HPS4: variants seen among roughly 807,000 people sequenced by gnomAD.
The protein encoded by HPS4 is HPS4 biogenesis of lysosomal organelles complex 3 subunit 2, also known as BLOC-3 complex member HPS4.
In HPS4, 44 loss-of-function variants were observed where a neutral mutation model predicts 70.3. That is an observed-to-expected ratio of 0.63 (90% confidence interval 0.49 to 0.80). The LOEUF is 0.80. Among genes scored for constraint, HPS4 ranks in the 30% least tolerant of loss-of-function variants. The pLI is 0.00. For missense variants in HPS4, 873 were observed against 884.4 expected (o/e 0.99, Z 0.16); for synonymous variants, 377 against 355.9 (o/e 1.06, Z -0.67).
intron 3 of HPS4, 116 bp downstream of exon 3, chr22:26,479,149 G>C (rs2090989009): frequency 2.0e-6 from 2 of 985,452 alleles, no homozygotes; most frequent in Non-Finnish European, 3.2e-6. Context: ...TAAGACAGTA[G>C]AAATGTCATT....
chr22:26,469,825 A>C (rs577248254), intron 7 of HPS4, among the ~76,000 whole-genome samples: 159 of 152,340 alleles, frequency 1.0e-3, no homozygotes, highest in African/African-American at 3.6e-3. Flanking sequence ...CAGAACCATC[A>C]TGATAAGAAC....
chr22:26,452,002 GCGCACACACACACACACACA>G lies in HPS4; in HGVS notation c.*1211_*1230del, dbSNP rs2085296579. ...GCCCACGTTACGCGCGCGCGCGCGCGCGCACACACACACACACACACACACACACACACACACACACTGTC... is the reference window on the plus strand; with the variant it reads ...GCCCACGTTACGCGCGCGCGCGCGCGCACACACACACACACACACACTGTC... On this transcript the variant is annotated 3_prime_UTR_variant, in exon 14 of 14. Coordinates refer to ENST00000398145, the MANE Select transcript of HPS4 (RefSeq NM_022081.6). 1 of 86,676 alleles carries G rather than the reference GCGCACACACACACACACACA, an allele frequency of 1.2e-5. No homozygotes were observed. The highest frequency in any genetic ancestry group is 7.0e-5 in the African/African-American group (1 of 14,260). The allele number at this position is 86,676 out of a possible 1,614,324, so 5.4% of individuals were successfully genotyped here. A position where few individuals can be genotyped will look rare whatever the true frequency, so the allele number is the denominator to read the frequency against.
rs573184413 is a variant in HPS4, at chr22:26,457,721, C to G, written c.1955+138G>C. On this transcript the variant is annotated intron_variant, in intron 13 of 13. Transcript: ENST00000398145. ...AGTGGATGATGGCGGCAATAGGAAC[C>G]GACAAAGGAAGGCCTTAAGGAGAGT... The G allele has an allele frequency of 4.0e-4, 288 of 713,172 alleles. 1 individual carries two copies. In the East Asian group the frequency reaches 7.2e-3, roughly 18 times the overall value. 44.2% of individuals were successfully genotyped at this position (713,172 alleles called of 1,614,324 possible).
chr22:26,468,793 A>G (rs2089230112), intron 7 of HPS4, among the ~76,000 whole-genome samples, 170 bp from the exon 8 acceptor site: 1 of 152,236 alleles, frequency 6.6e-6, no homozygotes, highest in Non-Finnish European at 1.5e-5. Flanking sequence ...TCCTACCAAC[A>G]TTTAAAATAT....
At position 26,452,347 on chromosome 22, in the gene HPS4, C is replaced by T. The variant is rs1170890360; in HGVS notation, c.*886G>A. Reference sequence around the variant, plus strand: ...CGTAATAGAACTGAGGTTCTAAGTACCACACAAGCCCAGGAACACACAGCT... The same window carrying T: ...CGTAATAGAACTGAGGTTCTAAGTATCACACAAGCCCAGGAACACACAGCT... On this transcript the variant is annotated 3_prime_UTR_variant, in exon 14 of 14. Transcript: ENST00000398145. 2.2e-6 allele frequency: 1 copy of T among 456,540 alleles called. No homozygotes were observed. Among genetic ancestry groups the T allele is most frequent in the Admixed American group, 2.4e-5 (1 of 42,518 alleles). 28.3% of individuals were successfully genotyped at this position (456,540 alleles called of 1,614,324 possible).
intron 3 of HPS4, among the ~76,000 whole-genome samples, chr22:26,477,602 T>G (rs1012296642): frequency 3.9e-5 from 6 of 152,020 alleles, no homozygotes; most frequent in African/African-American, 1.5e-4. Flanking sequence ...GTACAGAATC[T>G]CCTAATCAAC....
In HPS4 at chr22:26,451,528, C is replaced by T. The variant is rs2085186799; in HGVS notation, c.*1705G>A. ...TCTGAGTTAATCCAGGTGCATGAGACTTTTCCATATACACGGATAGGCTTT... is the reference window on the plus strand; with the variant it reads ...TCTGAGTTAATCCAGGTGCATGAGATTTTTCCATATACACGGATAGGCTTT... On this transcript the variant is annotated 3_prime_UTR_variant, in exon 14 of 14. Transcript: ENST00000398145. 1 of 152,200 alleles carries T rather than the reference C, an allele frequency of 6.6e-6. No homozygotes were observed. The highest frequency in any genetic ancestry group is 2.1e-4 in the South Asian group (1 of 4,834). 9.4% of individuals were successfully genotyped at this position (152,200 alleles called of 1,614,324 possible). A position where few individuals can be genotyped will look rare whatever the true frequency, so the allele number is the denominator to read the frequency against.
intron 11 of HPS4, 150 bp downstream of exon 11, chr22:26,463,767 C>T (rs2087819173): frequency 1.2e-6 from 1 of 806,028 alleles, no homozygotes; most frequent in East Asian, 2.7e-5. Flanking sequence ...GTAATACCTC[C>T]ATCGTCTAAA....
At chr22:26,463,440 G>A (rs1377656260) in intron 11 of HPS4, among the ~76,000 whole-genome samples, 1 of 152,228 alleles carries the variant, frequency 6.6e-6, no homozygotes, top group Admixed American at 6.5e-5. Context: ...ATGAGCAGGG[G>A]CGGCACAACA....
intron 3 of HPS4, among the ~76,000 whole-genome samples, chr22:26,477,667 G>GTA (rs2090739663): frequency 6.6e-6 from 1 of 152,074 alleles, no homozygotes; most frequent in South Asian, 2.1e-4. Context: ...CACAGGAAAT[G>GTA]TATACACCAC....
chr22:26,447,227 AAGAG>A (rs1568989536), downstream of HPS4, among the ~76,000 whole-genome samples: 1 of 152,104 alleles, frequency 6.6e-6, no homozygotes, highest in Non-Finnish European at 1.5e-5. Flanking sequence ...ACGACTGTGA[AAGAG>A]AGGCCACTTT....
At chr22:26,483,829 G>A (rs886057325), upstream of HPS4, 69 of 1,277,848 alleles carry the variant, frequency 5.4e-5, no homozygotes, top group Non-Finnish European at 6.7e-5. Flanking sequence ...TCCAGCTCCT[G>A]GCAAGCCGGC....
rs778405888 is a variant in HPS4 at position 26,477,152 on chromosome 22, A to T, written c.133-16T>A. 1 of 1,614,146 alleles carries T rather than the reference A, an allele frequency of 6.2e-7. No homozygotes were observed. The highest frequency in any genetic ancestry group is 1.7e-5 in the Admixed American group (1 of 60,030). ...CTAGCAGGGTCTGTGGGAAAGGAGC[A>T]CATTCCAGATAGGAAGCTGAAATTC... On this transcript the variant is annotated splice_polypyrimidine_tract_variant and intron_variant, in intron 3 of 13. Transcript: ENST00000398145.
chr22:26,453,187 C>A lies in HPS4; in HGVS notation c.*46G>T. 6.3e-7 allele frequency: 1 copy of A among 1,591,030 alleles called. No individual in the cohort carries two copies. Among genetic ancestry groups the A allele is most frequent in the Non-Finnish European group, 8.6e-7 (1 of 1,160,170 alleles). Reference sequence around the variant, plus strand: ...GCCTTTTCAATTATAAAAGGCAGAGCTTCCTTTGCTGGTTTTCTCCTTCCC... The same window carrying A: ...GCCTTTTCAATTATAAAAGGCAGAGATTCCTTTGCTGGTTTTCTCCTTCCC... On this transcript the variant is annotated 3_prime_UTR_variant, in exon 14 of 14. Transcript: ENST00000398145.
intron 13 of HPS4, among the ~76,000 whole-genome samples, chr22:26,457,229 T>C (rs1404560199): frequency 6.7e-6 from 1 of 149,486 alleles, no homozygotes; most frequent in Middle Eastern, 3.2e-3. Context: ...TTTTTTTTTT[T>C]TTTCTGAGAC....
At chr22:26,463,154 G>C (rs1484044641) in intron 11 of HPS4, among the ~76,000 whole-genome samples, 1 of 152,162 alleles carries the variant, frequency 6.6e-6, no homozygotes, top group Non-Finnish European at 1.5e-5. Context: ...TGTTACTATA[G>C]CAACGAATCT....
chr22:26,457,842 G>A lies in HPS4; in HGVS notation c.1955+17C>T, dbSNP rs373770186. 14 of 1,590,668 alleles carry A rather than the reference G, an allele frequency of 8.8e-6. No individual in the cohort carries two copies. The highest frequency in any genetic ancestry group is 5.0e-5 in the Admixed American group (3 of 59,930). On this transcript the variant is annotated intron_variant, in intron 13 of 13. Transcript: ENST00000398145. Reference sequence around the variant, plus strand: ...GACCGTGGAGAGTAGGTTGGGGAGCGACTCAGGGAGGCTCACCTGACAGTC... The same window carrying A: ...GACCGTGGAGAGTAGGTTGGGGAGCAACTCAGGGAGGCTCACCTGACAGTC...
chr22:26,447,893 C>T (rs2085007715), downstream of HPS4, among the ~76,000 whole-genome samples: 1 of 152,194 alleles, frequency 6.6e-6, no homozygotes, highest in Non-Finnish European at 1.5e-5. Flanking sequence ...TTAGCCACCC[C>T]CACGTTCGAG....
intron 1 of HPS4, among the ~76,000 whole-genome samples, chr22:26,482,480 T>C (rs768659317): frequency 3.9e-5 from 6 of 152,166 alleles, no homozygotes; most frequent in African/African-American, 9.7e-5. Context: ...GAAAATGCTC[T>C]AGGTGTGGAC....
Sources: allele counts gnomAD v4.1 joint callset (sites outside exome capture counted in the v4.1 genomes callset), GRCh38; gene constraint gnomAD v4.1.1; transcripts MANE v1.5; gene names NCBI Gene and HGNC (gene_info 2026-07-23, HGNC 2026-07-21).